Variants in NEGR1 observed in about 807,000 individuals in gnomAD.
The protein encoded by NEGR1 is neuronal growth regulator 1, also known as IgLON family member 4.
NEGR1 carries 10 observed loss-of-function variants against 40.9 expected under a neutral mutation model. The observed-to-expected ratio is 0.24, with a 90% CI of 0.15 to 0.42. NEGR1 has a LOEUF of 0.42. Among genes scored for constraint, NEGR1 ranks in the 10% least tolerant of loss-of-function variants. The pLI, the probability that NEGR1 is intolerant of heterozygous loss-of-function variation, is 1.00. For synonymous variants in NEGR1, 185 were observed against 166.8 expected, an observed-to-expected ratio of 1.11 and a Z score of -0.84; for missense variants, 352 against 438.9, an observed-to-expected ratio of 0.80 and a Z score of 1.77.
intron 6 of NEGR1, among the ~76,000 whole-genome samples, chr1:71,414,519 T>C (rs1437922609): frequency 6.6e-6 from 1 of 152,164 alleles, no homozygotes; most frequent in African/African-American, 2.4e-5. Flanking sequence ...CTCACACAGG[T>C]GACATAATTA....
chr1:71,852,508 A>C (rs2101814264), intron 2 of NEGR1, among the ~76,000 whole-genome samples: 1 of 152,222 alleles, frequency 6.6e-6, no homozygotes, highest in East Asian at 1.9e-4. Context: ...CACAATCTCT[A>C]GCACTCCTGA....
chr1:72,125,117 A>C (rs1048335076), intron 1 of NEGR1, among the ~76,000 whole-genome samples: 8 of 152,128 alleles, frequency 5.3e-5, no homozygotes, highest in African/African-American at 1.7e-4. Flanking sequence ...CATGAAAGTT[A>C]TTAAAAATTT....
At chr1:71,659,023 C>T (rs1397392722) in intron 4 of NEGR1, among the ~76,000 whole-genome samples, 1 of 152,110 alleles carries the variant, frequency 6.6e-6, no homozygotes, top group Non-Finnish European at 1.5e-5. Context: ...TGTGATAAGA[C>T]ATCATTGGAG....
chr1:71,710,971 CTG>C (rs1654061192), intron 3 of NEGR1, among the ~76,000 whole-genome samples: 1 of 151,998 alleles, frequency 6.6e-6, no homozygotes, highest in Non-Finnish European at 1.5e-5. Context: ...CATTGCATGT[CTG>C]TATCAAAATA....
At chr1:72,263,577 C>T (rs12092305) in intron 1 of NEGR1, among the ~76,000 whole-genome samples, 3 of 151,556 alleles carry the variant, frequency 2.0e-5, no homozygotes, top group East Asian at 1.9e-4. Flanking sequence ...GTTAAATATA[C>T]GCTTAATAAA....
chr1:72,184,737 A>T (rs979943989), intron 1 of NEGR1, among the ~76,000 whole-genome samples: 19 of 152,014 alleles, frequency 1.2e-4, no homozygotes, highest in Admixed American at 1.1e-3. Context: ...AGTACTACCT[A>T]CTGAATCCAA....
intron 1 of NEGR1, among the ~76,000 whole-genome samples, chr1:72,097,443 T>C (rs1349730509): frequency 3.3e-5 from 5 of 152,178 alleles, no homozygotes; most frequent in African/African-American, 1.2e-4. Context: ...GCCTCACTAT[T>C]TTCCTCTATG....
At chr1:72,092,664 C>T (rs1183375513) in intron 1 of NEGR1, among the ~76,000 whole-genome samples, 1 of 151,766 alleles carries the variant, frequency 6.6e-6, no homozygotes, top group Admixed American at 6.6e-5. Context: ...TTTTCTTTTT[C>T]TTTTGAGGCA....
At chr1:71,544,837 A>C (rs886550789) in intron 6 of NEGR1, among the ~76,000 whole-genome samples, 1 of 151,594 alleles carries the variant, frequency 6.6e-6, no homozygotes, top group Non-Finnish European at 1.5e-5. Context: ...GAAAGAATGG[A>C]AACTTGGAAA....
At chr1:72,071,342 T>C (rs1647453635) in intron 1 of NEGR1, among the ~76,000 whole-genome samples, 1 of 152,122 alleles carries the variant, frequency 6.6e-6, no homozygotes, top group Non-Finnish European at 1.5e-5. Context: ...ATTCTACCAA[T>C]ATTGCCATTA....
chr1:71,548,366 A>G (rs539659948), intron 6 of NEGR1, among the ~76,000 whole-genome samples: 7 of 151,728 alleles, frequency 4.6e-5, no homozygotes, highest in African/African-American at 1.7e-4. Context: ...ACACTAAGTG[A>G]GGCACCCTCC....
At chr1:72,224,502 C>T (rs530547066) in intron 1 of NEGR1, among the ~76,000 whole-genome samples, 10 of 152,138 alleles carry the variant, frequency 6.6e-5, no homozygotes, top group East Asian at 5.8e-4. Context: ...GCTGTTTACA[C>T]GCAATATTTT....
At chr1:72,257,108 G>T (rs1655295993) in intron 1 of NEGR1, among the ~76,000 whole-genome samples, 1 of 151,966 alleles carries the variant, frequency 6.6e-6, no homozygotes, top group Admixed American at 6.5e-5. Flanking sequence ...GGATCACGAG[G>T]TCAGGAGATT....
chr1:71,821,331 T>G (rs1039563240), intron 2 of NEGR1, among the ~76,000 whole-genome samples: 2 of 152,092 alleles, frequency 1.3e-5, no homozygotes, highest in Middle Eastern at 3.4e-3. Flanking sequence ...GGATGTGAAA[T>G]AGAACCTGTG....
chr1:72,228,886 A>T (rs1654273285), intron 1 of NEGR1, among the ~76,000 whole-genome samples: 1 of 152,110 alleles, frequency 6.6e-6, no homozygotes, highest in Admixed American at 6.6e-5. Flanking sequence ...AGAGCAAGAG[A>T]ATCATGACAA....
At chr1:72,200,327 T>G (rs992975748) in intron 1 of NEGR1, among the ~76,000 whole-genome samples, 2 of 151,976 alleles carry the variant, frequency 1.3e-5, no homozygotes, top group African/African-American at 4.8e-5. Flanking sequence ...CATGAAATAC[T>G]ATGTAGCCAT....
chr1:71,694,669 G>A (rs1017146458), intron 4 of NEGR1, among the ~76,000 whole-genome samples: 1 of 151,738 alleles, frequency 6.6e-6, no homozygotes, highest in Non-Finnish European at 1.5e-5. Flanking sequence ...AGTGAACGTG[G>A]AAGGTGTATT....
chr1:71,766,831 G>A (rs1379776116), intron 3 of NEGR1, among the ~76,000 whole-genome samples: 1 of 152,090 alleles, frequency 6.6e-6, no homozygotes, highest in African/African-American at 2.4e-5. Flanking sequence ...TTGTGAGAGA[G>A]TTCTCATGAC....
chr1:71,762,826 G>A (rs1458202732), intron 3 of NEGR1, among the ~76,000 whole-genome samples: 3 of 152,010 alleles, frequency 2.0e-5, no homozygotes, highest in Admixed American at 2.0e-4. Context: ...ATCTTTTATT[G>A]AACTCAGTAT....
Sources: gnomAD v4.1 joint callset for allele counts (sites outside exome capture counted in the v4.1 genomes callset) on GRCh38, gnomAD v4.1.1 for gene constraint, MANE v1.5 for transcripts, NCBI Gene and HGNC (gene_info 2026-07-23, HGNC 2026-07-21) for gene names.